Variants in CLK3 observed in about 807,000 individuals in gnomAD.
CLK3 encodes CDC like kinase 3.
CLK3 carries 24 observed loss-of-function variants against 65.2 expected under a neutral mutation model. The ratio of observed to expected loss-of-function variants is 0.37; its 90% CI spans 0.27 to 0.52. The LOEUF (loss-of-function observed/expected upper bound fraction) is 0.52, where lower values mean the gene tolerates loss of function less well. Among genes scored for constraint, CLK3 ranks in the 20% least tolerant of loss-of-function variants. The pLI, the probability that CLK3 is intolerant of heterozygous loss-of-function variation, is 0.92. For synonymous variants in CLK3, 252 were observed against 240.8 expected (o/e 1.05, Z -0.43); for missense variants, 506 against 660.0 (o/e 0.77, Z 2.56).
intron 12 of CLK3, 79 bp from the exon 13 acceptor site, chr15:74,629,628 G>A (rs1394959756): frequency 1.6e-6 from 2 of 1,285,128 alleles, no homozygotes; most frequent in African/African-American, 2.9e-5. Context: ...GTCCAGCAAG[G>A]CGTCCCAGAG....
rs369940204 is a variant in CLK3, at chr15:74,620,055, A to G, written c.199A>G (p.Ser67Gly). ...YQRRYRERRD[S>G]DTYRCEERSP... is the part of the protein sequence containing the mutation. ...GAGGAGGTACCGGGAGCGCCGTGAC[A>G]GCGATACATACCGGTGTGAAGAGCG... The change falls in exon 3 of 13, where the codon AGC becomes GGC. Residue 67 changes from serine to glycine, a missense_variant. Transcript: ENST00000395066. 124 of 1,614,078 alleles carry G rather than the reference A, an allele frequency of 7.7e-5. No individual in the cohort carries two copies. Among genetic ancestry groups the G allele is most frequent in the Non-Finnish European group, 1.0e-4 (122 of 1,180,048 alleles).
In CLK3 at chr15:74,628,570, C is replaced by T. The variant is rs756034532; in HGVS notation, c.1126-34C>T. 7.2e-6 allele frequency: 11 copies of T among 1,526,720 alleles called. 1 individual carries two copies. The South Asian group carries it at 8.0e-5, about 11-fold the overall frequency. 94.6% of individuals were successfully genotyped at this position (1,526,720 alleles called of 1,614,324 possible). ...CTCCTTGAAGGGGCCAGAGCTAGTACTGACCCCCTTGCACTGTCCCTAATC... is the reference window on the plus strand; with the variant it reads ...CTCCTTGAAGGGGCCAGAGCTAGTATTGACCCCCTTGCACTGTCCCTAATC... On this transcript the variant is annotated intron_variant, in intron 10 of 12. Coordinates refer to ENST00000395066, the MANE Select transcript of CLK3 (RefSeq NM_001130028.2).
At chr15:74,625,301 C>G (rs1296443355) in intron 6 of CLK3, among the ~76,000 whole-genome samples, 1 of 152,200 alleles carries the variant, frequency 6.6e-6, no homozygotes, top group Non-Finnish European at 1.5e-5. Flanking sequence ...AGTTGGGGCT[C>G]TCACATAGTA....
intron 7 of CLK3, chr15:74,626,859 G>A: frequency 2.5e-6 from 1 of 394,832 alleles, no homozygotes; most frequent in Non-Finnish European, 5.1e-6. Context: ...GAGAGGCGGG[G>A]CTGTCTTCCT....
upstream of CLK3, among the ~76,000 whole-genome samples, chr15:74,612,540 T>C (rs980249348): frequency 2.6e-5 from 4 of 151,456 alleles, no homozygotes; most frequent in East Asian, 5.8e-4. Flanking sequence ...GGCACAGGAG[T>C]TGTCTTCACC....
intron 7 of CLK3, among the ~76,000 whole-genome samples, chr15:74,626,612 A>G (rs1439226203): frequency 6.6e-6 from 1 of 152,222 alleles, no homozygotes; most frequent in Non-Finnish European, 1.5e-5. Flanking sequence ...AGGATCTGCA[A>G]GATGGGACAG....
In CLK3 at chr15:74,628,032, C is replaced by T. The variant is rs908587065; in HGVS notation, c.1105C>T (p.Arg369Trp). Residue 369 changes from arginine (R) to tryptophan (W), a missense_variant, in exon 10 of 13, where the codon CGG becomes TGG. By Grantham distance (101) the Arg-to-Trp change is moderately radical. Around this residue, in one of 2 missense-constraint regions of CLK3, gnomAD observed 325 missense variants for 500.5 expected, o/e 0.65. Transcript: ENST00000395066. ...SIGCILFEYYRGFTLFQTHEN... is the reference protein window; with the variant it reads ...SIGCILFEYYWGFTLFQTHEN... ...TGGCTGCATTCTCTTTGAGTACTAC[C>T]GGGGCTTCACACTCTTCCAGGTACA... 6 of 1,612,668 alleles carry T rather than the reference C, an allele frequency of 3.7e-6. No individual in the cohort carries two copies. The highest frequency in any genetic ancestry group is 1.3e-5 in the African/African-American group (1 of 75,020).
Position 74,627,365 on chromosome 15 carries a change from T to C in CLK3, c.831T>C (p.Asn277=). The C allele has an allele frequency of 1.2e-6, 2 of 1,613,778 alleles. No homozygotes were observed. The highest frequency in any genetic ancestry group is 8.5e-7 in the Non-Finnish European group (1 of 1,179,680). Reference sequence around the variant, plus strand: ...CTGCTACCTTAGTTCTGCATGAGAATCAGCTGACCCATACAGACTTGAAAC... The same window carrying C: ...CTGCTACCTTAGTTCTGCATGAGAACCAGCTGACCCATACAGACTTGAAAC... ...LCHALRFLHE[N]QLTHTDLKPE... Residue 277 remains asparagine (N), a synonymous_variant, in exon 8 of 13, where the codon AAT becomes AAC. Transcript: ENST00000395066. This position sits in a 1 kb window ranked among gnomAD's most constrained non-coding sequence, Gnocchi z 4.3.
intron 1 of CLK3, among the ~76,000 whole-genome samples, chr15:74,618,840 G>T (rs1377859775): frequency 6.6e-6 from 1 of 152,238 alleles, no homozygotes; most frequent in Non-Finnish European, 1.5e-5. Context: ...AGTGCAGGAG[G>T]CTCCCCTTTC....
At chr15:74,629,096 A>G in intron 12 of CLK3, 64 bp downstream of exon 12, 2 of 1,247,418 alleles carry the variant, frequency 1.6e-6, no homozygotes, top group Non-Finnish European at 2.4e-6. Context: ...CTGGGCAGAC[A>G]TACAGCAGAG....
chr15:74,628,654 C>T lies in CLK3; in HGVS notation c.1176C>T (p.Pro392=), dbSNP rs532476342. The change falls in exon 11 of 13, where the codon CCC becomes CCT. Residue 392 remains proline, a synonymous_variant. Transcript: ENST00000395066. The part of the protein sequence containing the change: ...HLVMMEKILG[P]IPSHMIHRTR... ...TGATGATGGAGAAGATCCTAGGGCCCATCCCATCACACATGATCCACCGTA... is the reference window on the plus strand; with the variant it reads ...TGATGATGGAGAAGATCCTAGGGCCTATCCCATCACACATGATCCACCGTA... The T allele has an allele frequency of 4.3e-6, 7 of 1,613,474 alleles. No homozygotes were observed. Among genetic ancestry groups the T allele is most frequent in the Admixed American group, 1.7e-5 (1 of 59,890 alleles).
At chr15:74,614,888 C>T (rs1567140333), upstream of CLK3, 1 of 152,340 alleles carries the variant, frequency 6.6e-6, no homozygotes, top group Admixed American at 6.5e-5. Context: ...AATTAGGCGC[C>T]ACGCCCTGTC....
rs1158050817 is a variant in CLK3, at chr15:74,619,297, T to A, written c.101T>A (p.Leu34Gln). 1.2e-6 allele frequency: 2 copies of A among 1,614,120 alleles called. No homozygotes were observed. The highest frequency in any genetic ancestry group is 3.3e-5 in the Admixed American group (2 of 60,018). ...RSYSREHEGRLRYPSRREPPP... is the reference protein window; with the variant it reads ...RSYSREHEGRQRYPSRREPPP... ...TACAGTCGGGAACATGAAGGGAGACTGCGATACCCGTCCCGAAGGGAGCCT... is the reference window on the plus strand; with the variant it reads ...TACAGTCGGGAACATGAAGGGAGACAGCGATACCCGTCCCGAAGGGAGCCT... The change falls in exon 2 of 13, where the codon CTG (leucine) becomes CAG (glutamine). Residue 34 changes from leucine (L) to glutamine (Q), a missense_variant. This residue lies in a region of CLK3 where 181 missense variants were observed against 159.4 expected (regional missense o/e 1.14). Transcript: ENST00000395066.
chr15:74,622,631 G>A lies in CLK3; in HGVS notation c.533+71G>A. On this transcript the variant is annotated intron_variant, in intron 5 of 12. Transcript: ENST00000395066. The surrounding 1 kb of genome is among the most constrained non-coding windows in gnomAD (Gnocchi z 4.6). ...TGGGAAGAGCTGGCCTGAGGTTCTT[G>A]AGGGTGGCAGCTATCAGAGCTTAAC... 1 of 1,241,810 alleles carries A rather than the reference G, an allele frequency of 8.1e-7. No homozygotes were observed. The highest frequency in any genetic ancestry group is 1.1e-6 in the Non-Finnish European group (1 of 878,874). The allele number at this position is 1,241,810 out of a possible 1,614,324, so 76.9% of individuals were successfully genotyped here. A position where few individuals can be genotyped will look rare whatever the true frequency, so the allele number is the denominator to read the frequency against.
chr15:74,616,168 C>G (rs1008700409), intron 1 of CLK3, among the ~76,000 whole-genome samples: 5 of 152,248 alleles, frequency 3.3e-5, no homozygotes, highest in Admixed American at 3.3e-4. Context: ...GGCTCTGTGC[C>G]TGCCCGCGGA....
upstream of CLK3, among the ~76,000 whole-genome samples, chr15:74,611,588 G>A (rs2061990870): frequency 1.3e-5 from 2 of 152,208 alleles, no homozygotes; most frequent in Admixed American, 6.5e-5. Flanking sequence ...AGTCCCGCTC[G>A]GGGGCCCTGT....
Position 74,619,304 on chromosome 15 carries a change from C to A in CLK3, c.108C>A (p.Tyr36Ter). ...YSREHEGRLRYPSRREPPPRR... is the reference protein window; with the variant it reads ...YSREHEGRLR The stretch of plus-strand genomic sequence containing the variant: ...GGGAACATGAAGGGAGACTGCGATA[C>A]CCGTCCCGAAGGGAGCCTCCCCCAC... The change falls in exon 2 of 13, where the codon TAC becomes TAA. Residue 36 changes from tyrosine to a stop codon, truncating the protein, a stop_gained. Coordinates refer to ENST00000395066, the MANE Select transcript of CLK3 (RefSeq NM_001130028.2). LOFTEE classifies it high-confidence loss of function. 6.2e-7 allele frequency: 1 copy of A among 1,614,148 alleles called. No homozygotes were observed. The highest frequency in any genetic ancestry group is 8.5e-7 in the Non-Finnish European group (1 of 1,180,006).
At chr15:74,615,821 G>A, upstream of CLK3, 1 of 1,247,284 alleles carries the variant, frequency 8.0e-7, no homozygotes, top group Non-Finnish European at 1.0e-6. Context: ...GCTGCCACGG[G>A]CGGAGGTCGC....
chr15:74,618,854 T>C lies in CLK3; in HGVS notation c.1-343T>C, dbSNP rs547034781. Among the ~76,000 whole-genome samples, 6 of 152,322 alleles carry C rather than the reference T, an allele frequency of 3.9e-5. No individual in the cohort carries two copies. In the East Asian group the frequency reaches 9.7e-4, roughly 25 times the overall value. ...GAGTGCAGGAGGCTCCCCTTTCTCC[T>C]GCCTTTGATCTCCCTGTGGTAGTGT... On this transcript the variant is annotated intron_variant, in intron 1 of 12. Coordinates refer to ENST00000395066, the MANE Select transcript of CLK3 (RefSeq NM_001130028.2).
Sources: gnomAD v4.1 joint callset for allele counts (sites outside exome capture counted in the v4.1 genomes callset) on GRCh38, gnomAD v4.1.1 for gene constraint, gnomAD v4.1.1 regional missense constraint, Gnocchi (gnomAD v3.1) non-coding constraint, MANE v1.5 for transcripts, NCBI Gene and HGNC (gene_info 2026-07-23, HGNC 2026-07-21) for gene names.